The following AP3S2 variants were observed in gnomAD, a reference collection of about 807,000 sequenced individuals.
AP3S2 encodes the protein AP-3 complex subunit sigma-2.
Under a neutral mutation model 23.4 loss-of-function variants are expected in AP3S2, and 22 were observed. The observed-to-expected ratio is 0.94, with a 90% confidence interval of 0.67 to 1.34. The LOEUF (loss-of-function observed/expected upper bound fraction) is 1.34, where lower values mean the gene tolerates loss of function less well. Ranked by LOEUF, AP3S2 falls within the 40% of genes most tolerant of loss-of-function variation. The probability of loss-of-function intolerance (pLI) is 0.00; values close to 1 mark genes in which losing one functional copy is unlikely to be tolerated. For missense variants in AP3S2, 241 were observed against 236.9 expected, an observed-to-expected ratio of 1.02 and a Z score of -0.11; for synonymous variants, 86 against 87.1, an observed-to-expected ratio of 0.99 and a Z score of 0.07.
At chr15:89,878,422 TTTGAAA>T in intron 3 of AP3S2, 1 of 486,638 alleles carries the variant, frequency 2.1e-6, no homozygotes, top group Non-Finnish European at 3.6e-6. Flanking sequence ...AAATGAGCCT[TTTGAAA>T]AGTGGACAAA....
At chr15:89,871,570 AAAG>A (rs767770045) in intron 3 of AP3S2, 24 bp from the exon 4 acceptor site, 1 of 1,610,566 alleles carries the variant, frequency 6.2e-7, no homozygotes, top group Non-Finnish European at 8.5e-7. Context: ...AGAAATAGAT[AAAG>A]AAGAGAAATA....
rs1895135889 is a variant in AP3S2, at chr15:89,834,038, G to A, written c.*1477C>T. 1 of 152,298 alleles carries A rather than the reference G, an allele frequency of 6.6e-6. No individual in the cohort carries two copies. The highest frequency in any genetic ancestry group is 2.4e-5 in the African/African-American group (1 of 41,476). The allele number at this position is 152,298 out of a possible 1,614,324, so 9.4% of individuals were successfully genotyped here. A position where few individuals can be genotyped will look rare whatever the true frequency, so the allele number is the denominator to read the frequency against. On this transcript the variant is annotated 3_prime_UTR_variant, in exon 6 of 6. Coordinates refer to ENST00000336418, the MANE Select transcript of AP3S2 (RefSeq NM_005829.5). ...ATCTAGCCCATGCGACAGTATGGAA[G>A]CAGGAGGCCCTACTCCACCACAGAA... is the stretch of plus-strand genomic sequence containing the variant.
chr15:89,881,018 G>C (rs1049064983), intron 3 of AP3S2, among the ~76,000 whole-genome samples: 3 of 152,232 alleles, frequency 2.0e-5, no homozygotes, highest in African/African-American at 7.2e-5. Flanking sequence ...AGAGTGCTAA[G>C]AAAGTTTGTC....
At position 89,866,052 on chromosome 15, in the gene AP3S2, A is replaced by C. The variant is rs1443490970; in HGVS notation, c.345+5423T>G. Among the ~76,000 whole-genome samples, 12 of 152,120 alleles carry C rather than the reference A, an allele frequency of 7.9e-5. No individual in the cohort carries two copies. In the East Asian group the frequency reaches 2.3e-3, roughly 29 times the overall value. On this transcript the variant is annotated intron_variant, in intron 4 of 5. Transcript: ENST00000336418. The stretch of plus-strand genomic sequence containing the variant: ...TGAGGTGGGTGGATCACCTGAGGTC[A>C]GGAGTTGGAGACCAGCCTGACAGAT...
At chr15:89,861,669 G>A (rs920758572) in intron 4 of AP3S2, among the ~76,000 whole-genome samples, 1 of 152,016 alleles carries the variant, frequency 6.6e-6, no homozygotes, top group Non-Finnish European at 1.5e-5. Context: ...AACCTTATGA[G>A]ACTAGAGTCC....
intron 4 of AP3S2, among the ~76,000 whole-genome samples, chr15:89,868,389 T>TG (rs770773669): frequency 0.38 from 7,172 of 18,990 alleles, 1,416 homozygotes; most frequent in Admixed American, 0.52. Flanking sequence ...GGGAGGGAGG[T>TG]GGGGGGGTCA....
intron 5 of AP3S2, among the ~76,000 whole-genome samples, 175 bp downstream of exon 5, chr15:89,837,440 A>G (rs1360124126): frequency 6.6e-6 from 1 of 152,130 alleles, no homozygotes; most frequent in Non-Finnish European, 1.5e-5. Flanking sequence ...TACCTGTTTA[A>G]TTTTCAGGGC....
intron 4 of AP3S2, among the ~76,000 whole-genome samples, chr15:89,855,945 TAAAAAA>T (rs34784306): frequency 2.7e-5 from 3 of 111,984 alleles, no homozygotes; most frequent in East Asian, 2.6e-4. Context: ...ATATGTCCTT[TAAAAAA>T]AAAAAAAAAA....
intron 4 of AP3S2, among the ~76,000 whole-genome samples, chr15:89,839,344 G>A (rs915632152): frequency 5.9e-5 from 9 of 152,098 alleles, no homozygotes; most frequent in Non-Finnish European, 1.2e-4. Context: ...GTATTCCCTT[G>A]CGTGTGTGCC....
chr15:89,889,413 C>T lies in AP3S2; in HGVS notation c.70-273G>A, dbSNP rs181216023. On this transcript the variant is annotated intron_variant, in intron 1 of 5. Transcript: ENST00000336418. ...TCCTATAGGTAAGCTGATATTTAAA[C>T]AAGAAAAGGAACATTGATAAACTCT... 79 of 352,894 alleles carry T rather than the reference C, an allele frequency of 2.2e-4. 2 individuals are homozygous for T. Among genetic ancestry groups the T allele is most frequent in the South Asian group, 1.5e-3 (37 of 25,130 alleles). 21.9% of individuals were successfully genotyped at this position (352,894 alleles called of 1,614,324 possible).
chr15:89,860,316 T>C (rs1596202450), intron 4 of AP3S2, among the ~76,000 whole-genome samples: 1 of 152,184 alleles, frequency 6.6e-6, no homozygotes, highest in African/African-American at 2.4e-5. Flanking sequence ...AAAACAATTA[T>C]GACAATATGC....
At position 89,888,999 on chromosome 15, in the gene AP3S2, G is replaced by C. The variant is rs530594937; in HGVS notation, c.161+50C>G. 6.2e-6 allele frequency: 10 copies of C among 1,600,446 alleles called. No individual in the cohort carries two copies. The African/African-American group carries it at 1.3e-4, about 21-fold the overall frequency. ...TACTGTCAGAAGATGCAATAATGAA[G>C]GCCACTCACAAGTGGATATATGGGG... On this transcript the variant is annotated intron_variant, in intron 2 of 5. Transcript: ENST00000336418.
chr15:89,844,974 C>A (rs142855521), intron 4 of AP3S2, among the ~76,000 whole-genome samples: 17 of 151,892 alleles, frequency 1.1e-4, no homozygotes, highest in African/African-American at 4.1e-4. Flanking sequence ...GGCACGATCT[C>A]GGCTCACTGC....
chr15:89,837,884 C>A, intron 4 of AP3S2, 162 bp from the exon 5 acceptor site: 1 of 728,702 alleles, frequency 1.4e-6, no homozygotes, highest in Admixed American at 2.7e-5. Context: ...AACGAGGGGT[C>A]TCTCCCAGGT....
chr15:89,858,489 AAGAAAGAGAG>A (rs1376378506), intron 4 of AP3S2, among the ~76,000 whole-genome samples: 40 of 41,832 alleles, frequency 9.6e-4, no homozygotes, highest in South Asian at 4.2e-3. Context: ...GAAAGAAAGA[AAGAAAGAGAG>A]AGAGAGAGAG....
intron 4 of AP3S2, among the ~76,000 whole-genome samples, chr15:89,838,504 A>G (rs1032766444): frequency 1.3e-5 from 2 of 152,156 alleles, no homozygotes; most frequent in Non-Finnish European, 2.9e-5. Flanking sequence ...CAACTACTGT[A>G]CCCCTTTGTG....
chr15:89,839,504 A>C (rs966674248), intron 4 of AP3S2, among the ~76,000 whole-genome samples: 2 of 152,266 alleles, frequency 1.3e-5, no homozygotes, highest in African/African-American at 4.8e-5. Context: ...TAGATAATTT[A>C]CAAAATGTTA....
At chr15:89,863,047 G>C (rs1399178063) in intron 4 of AP3S2, among the ~76,000 whole-genome samples, 1 of 152,070 alleles carries the variant, frequency 6.6e-6, no homozygotes, top group Non-Finnish European at 1.5e-5. Flanking sequence ...GAATAGGAAA[G>C]AAATCAGCAG....
intron 3 of AP3S2, among the ~76,000 whole-genome samples, chr15:89,875,050 A>C (rs1277149480): frequency 6.6e-6 from 1 of 152,262 alleles, no homozygotes; most frequent in Non-Finnish European, 1.5e-5. Context: ...ATAAATTAAA[A>C]AAGCAACGGC....
Sources: allele counts gnomAD v4.1 joint callset (sites outside exome capture counted in the v4.1 genomes callset), GRCh38; gene constraint gnomAD v4.1.1; transcripts MANE v1.5; gene names NCBI Gene and HGNC (gene_info 2026-07-23, HGNC 2026-07-21).